The following PGBD2 variants were observed in gnomAD, a reference collection of about 807,000 sequenced individuals.
The protein encoded by PGBD2 is piggyBac transposable element derived 2.
PGBD2 carries 6 observed loss-of-function variants against 8.1 expected under a neutral mutation model. That is an observed-to-expected ratio of 0.74 (90% CI 0.40 to 1.46). The LOEUF (loss-of-function observed/expected upper bound fraction) is 1.46, where lower values mean the gene tolerates loss of function less well. Ranked by LOEUF, PGBD2 falls within the 40% of genes most tolerant of loss-of-function variation. The pLI, the probability that PGBD2 is intolerant of heterozygous loss-of-function variation, is 0.02. For missense variants in PGBD2, 802 were observed against 739.0 expected (o/e 1.09, Z -0.99); for synonymous variants, 318 against 272.2 (o/e 1.17, Z -1.66).
At chr1:248,894,842 C>A in the PGBD2 span, among the ~76,000 whole-genome samples, 1 of 151,618 alleles carries the variant, frequency 6.6e-6, no homozygotes. Flanking sequence ...TTGTCACTGG[C>A]TGGAGTGCAA....
At chr1:248,925,587 T>C in the PGBD2 span, among the ~76,000 whole-genome samples, 2 of 148,756 alleles carry the variant, frequency 1.3e-5, no homozygotes, top group African/African-American at 5.1e-5. Context: ...TTTTTTTTTT[T>C]GGCGAGATTC....
chr1:248,928,087 G>T, the PGBD2 span, among the ~76,000 whole-genome samples: 6 of 152,088 alleles, frequency 3.9e-5, no homozygotes, highest in Admixed American at 3.9e-4. Flanking sequence ...GTTGTTGTTT[G>T]CTTTTTTTAA....
At chr1:248,872,933 A>G in the PGBD2 span, among the ~76,000 whole-genome samples, 6 of 152,358 alleles carry the variant, frequency 3.9e-5, no homozygotes, top group Non-Finnish European at 2.9e-5. Flanking sequence ...AAGTCACTTT[A>G]GTGAGGCCTT....
the PGBD2 span, among the ~76,000 whole-genome samples, chr1:248,883,799 A>T: frequency 6.6e-6 from 1 of 150,962 alleles, no homozygotes; most frequent in African/African-American, 2.4e-5. Context: ...GGGTTTCACC[A>T]TGTTAGCCAG....
At chr1:248,890,643 C>T in the PGBD2 span, among the ~76,000 whole-genome samples, 1 of 151,914 alleles carries the variant, frequency 6.6e-6, no homozygotes, top group African/African-American at 2.4e-5. Context: ...ATTATACACA[C>T]ACCACACATA....
In PGBD2 at chr1:248,916,604, A is replaced by T; in HGVS notation, c.20A>T (p.Asp7Val). The T allele has an allele frequency of 6.2e-7, 1 of 1,613,494 alleles. No individual in the cohort carries two copies. Among genetic ancestry groups the T allele is most frequent in the Non-Finnish European group, 8.5e-7 (1 of 1,179,542 alleles). ...GATTCTGTTTCCTGTCATAACAGAG[A>T]TGTCATTGCTGGGAGAGGTATCCAC... Reference protein sequence around the residue: MASTSRDVIAGRGIHSK... With the variant: MASTSRVVIAGRGIHSK... Residue 7 changes from aspartate (D) to valine (V), a missense_variant and splice_region_variant, in exon 3 of 3, where the codon GAT becomes GTT. Transcript: ENST00000329291.
chr1:248,912,139 A>G (rs974279982), intron 1 of PGBD2, among the ~76,000 whole-genome samples: 4 of 151,758 alleles, frequency 2.6e-5, no homozygotes, highest in African/African-American at 7.3e-5. Flanking sequence ...CCTTGTGGAA[A>G]CTCCCATCAT....
chr1:248,905,894 C>T (rs887557401), upstream of PGBD2, among the ~76,000 whole-genome samples: 8 of 152,140 alleles, frequency 5.3e-5, no homozygotes, highest in African/African-American at 1.9e-4. Flanking sequence ...TAGTGGGGTC[C>T]CAAGATTTGC....
the PGBD2 span, among the ~76,000 whole-genome samples, chr1:248,900,172 G>A: frequency 1.3e-5 from 2 of 151,290 alleles, no homozygotes; most frequent in Non-Finnish European, 2.9e-5. Flanking sequence ...AGAGGAGCTG[G>A]TAACATTTCT....
downstream of PGBD2, among the ~76,000 whole-genome samples, chr1:248,922,322 G>A (rs1288003849): frequency 6.6e-6 from 1 of 152,138 alleles, no homozygotes; most frequent in South Asian, 2.1e-4. Flanking sequence ...GCCTCCCAAA[G>A]TGCTGGGATT....
chr1:248,884,266 C>T, the PGBD2 span, among the ~76,000 whole-genome samples: 80 of 152,164 alleles, frequency 5.3e-4, no homozygotes, highest in African/African-American at 1.8e-3. Flanking sequence ...TAAGTGATTT[C>T]AGCCCAACGA....
At chr1:248,888,644 T>A in the PGBD2 span, among the ~76,000 whole-genome samples, 1 of 152,212 alleles carries the variant, frequency 6.6e-6, no homozygotes, top group Admixed American at 6.5e-5. Context: ...ATTAGACCTT[T>A]GTCAGATGTA....
chr1:248,902,644 CA>C (rs1333543999), upstream of PGBD2, among the ~76,000 whole-genome samples: 2 of 152,180 alleles, frequency 1.3e-5, no homozygotes, highest in African/African-American at 4.8e-5. Context: ...GGTACATATA[CA>C]ACATGGAATA....
downstream of PGBD2, among the ~76,000 whole-genome samples, chr1:248,920,986 G>T (rs377152039): frequency 1.2e-4 from 18 of 145,516 alleles, no homozygotes; most frequent in South Asian, 2.2e-4. Flanking sequence ...CTTTTTGATG[G>T]TTTTTTTTTT....
the PGBD2 span, among the ~76,000 whole-genome samples, chr1:248,897,647 T>C: frequency 2.9e-4 from 44 of 152,272 alleles, no homozygotes; most frequent in African/African-American, 1.0e-3. Context: ...AGTTTTTGCA[T>C]GCTGAAGCTT....
At chr1:248,877,506 T>C in the PGBD2 span, among the ~76,000 whole-genome samples, 3 of 151,946 alleles carry the variant, frequency 2.0e-5, no homozygotes, top group Non-Finnish European at 4.4e-5. Flanking sequence ...AGCCTCCCAA[T>C]GCCGTACAGA....
upstream of PGBD2, among the ~76,000 whole-genome samples, chr1:248,906,030 G>GGGTGGGAGGGTAAGGGAGAGT (rs1661619901): frequency 1.3e-5 from 2 of 152,194 alleles, no homozygotes; most frequent in Non-Finnish European, 2.9e-5. Flanking sequence ...AGTAGGACAG[G>GGGTGGGAGGGTAAGGGAGAGT]GGTGGGAGGG....
chr1:248,915,715 C>G (rs927743566), intron 2 of PGBD2, among the ~76,000 whole-genome samples: 2 of 152,174 alleles, frequency 1.3e-5, no homozygotes, highest in African/African-American at 4.8e-5. Context: ...GATTTGGCTT[C>G]TGAATTGCAG....
At chr1:248,904,074 G>T (rs912069552), upstream of PGBD2, among the ~76,000 whole-genome samples, 6 of 148,430 alleles carry the variant, frequency 4.0e-5, no homozygotes, top group African/African-American at 1.5e-4. Flanking sequence ...TTCTTTTTAT[G>T]TTTTTTTTTT....
Sources: gnomAD v4.1 joint callset for allele counts (sites outside exome capture counted in the v4.1 genomes callset) on GRCh38, gnomAD v4.1.1 for gene constraint, MANE v1.5 for transcripts, NCBI Gene and HGNC (gene_info 2026-07-23, HGNC 2026-07-21) for gene names.